LINGO2: variants seen among roughly 807,000 people sequenced by gnomAD.
LINGO2 encodes the protein leucine-rich repeat and immunoglobulin-like domain-containing nogo receptor-interacting protein 2.
A neutral mutation model predicts 30.6 loss-of-function variants in LINGO2; 14 were observed. The observed-to-expected ratio is 0.46, with a 90% CI of 0.30 to 0.72. LINGO2 has a LOEUF of 0.72. Ranked by LOEUF, LINGO2 falls within the 30% of genes least tolerant of loss-of-function variation. The probability of loss-of-function intolerance (pLI) is 0.07; values close to 1 mark genes in which losing one functional copy is unlikely to be tolerated. For synonymous variants in LINGO2, 317 were observed against 288.5 expected (o/e 1.10, Z -1.00); for missense variants, 729 against 751.7 (o/e 0.97, Z 0.35).
intron 4 of LINGO2, among the ~76,000 whole-genome samples, chr9:28,168,902 A>G (rs1828506301): frequency 1.3e-5 from 2 of 152,264 alleles, no homozygotes; most frequent in Admixed American, 1.3e-4. Flanking sequence ...GCATTCCTTC[A>G]TACATCTTTC....
chr9:28,344,062 T>C (rs1819468999), intron 3 of LINGO2, among the ~76,000 whole-genome samples: 1 of 152,122 alleles, frequency 6.6e-6, no homozygotes, highest in East Asian at 1.9e-4. Context: ...TGCAAACTAC[T>C]GGGCCCCTCT....
the LINGO2 span, among the ~76,000 whole-genome samples, chr9:28,683,446 A>G: frequency 6.6e-6 from 1 of 152,124 alleles, no homozygotes; most frequent in Non-Finnish European, 1.5e-5. Flanking sequence ...TGGCACAAAT[A>G]TCACTCTTAA....
chr9:28,476,063 C>CG, intron 1 of LINGO2, 38 bp from the exon 4 acceptor site: 1 of 152,594 alleles, frequency 6.6e-6, no homozygotes, highest in African/African-American at 2.4e-5. Flanking sequence ...AAATGACACT[C>CG]GCTTGCTTCA....
chr9:28,538,843 C>T (rs2135453017), intron 1 of LINGO2, among the ~76,000 whole-genome samples: 1 of 151,972 alleles, frequency 6.6e-6, no homozygotes, highest in Admixed American at 6.6e-5. Flanking sequence ...GGGTTTGTTT[C>T]CAACCTATGA....
chr9:28,004,173 A>C (rs192550255), intron 5 of LINGO2, among the ~76,000 whole-genome samples: 426 of 152,322 alleles, frequency 2.8e-3, no homozygotes, highest in African/African-American at 9.5e-3. Context: ...GTTTGTATTA[A>C]AAATGAAGTA....
chr9:28,624,084 A>T (rs1227867276), intron 1 of LINGO2, among the ~76,000 whole-genome samples: 2 of 152,088 alleles, frequency 1.3e-5, no homozygotes, highest in African/African-American at 2.4e-5. Flanking sequence ...TAGAGTCTTT[A>T]GATTTTTCTA....
chr9:28,747,484 C>G, the LINGO2 span, among the ~76,000 whole-genome samples: 1 of 152,090 alleles, frequency 6.6e-6, no homozygotes, highest in Admixed American at 6.5e-5. Flanking sequence ...CATAAGCCAT[C>G]TGTGGATGAC....
chr9:28,553,283 C>A (rs1254786425), intron 1 of LINGO2, among the ~76,000 whole-genome samples: 1 of 151,890 alleles, frequency 6.6e-6, no homozygotes, highest in African/African-American at 2.4e-5. Context: ...CTAGAATAAC[C>A]AATACAGAGA....
the LINGO2 span, among the ~76,000 whole-genome samples, chr9:28,771,179 G>C: frequency 1.3e-5 from 2 of 151,812 alleles, no homozygotes; most frequent in African/African-American, 4.8e-5. Context: ...TAGGTCAGTC[G>C]TAAGATCCCA....
the LINGO2 span, among the ~76,000 whole-genome samples, chr9:28,804,113 T>TCTCTTTTCTTCTCTATCC: frequency 6.6e-6 from 1 of 152,064 alleles, no homozygotes; most frequent in African/African-American, 2.4e-5. Flanking sequence ...TTGCTCTTAT[T>TCTCTTTTCTTCTCTATCC]CTCTTTTCTT....
chr9:28,925,207 G>T, the LINGO2 span, among the ~76,000 whole-genome samples: 1 of 152,170 alleles, frequency 6.6e-6, no homozygotes, highest in South Asian at 2.1e-4. Context: ...CTTCCCCAGA[G>T]AAAAGTCTTG....
chr9:28,690,643 T>G, the LINGO2 span, among the ~76,000 whole-genome samples: 1 of 152,162 alleles, frequency 6.6e-6, no homozygotes, highest in Non-Finnish European at 1.5e-5. Flanking sequence ...ATAAAACACA[T>G]GATTTGTCTT....
At chr9:28,533,212 C>T (rs1473218935) in intron 1 of LINGO2, among the ~76,000 whole-genome samples, 3 of 152,154 alleles carry the variant, frequency 2.0e-5, no homozygotes, top group Admixed American at 6.5e-5. Flanking sequence ...TGTCCTAGAA[C>T]ATCAGACTCC....
the LINGO2 span, among the ~76,000 whole-genome samples, chr9:29,157,691 C>G: frequency 6.6e-6 from 1 of 151,604 alleles, no homozygotes; most frequent in African/African-American, 2.4e-5. Context: ...TTTTTTTTCT[C>G]CTTTGAAGTC....
At chr9:28,306,267 G>T (rs531399615) in intron 3 of LINGO2, among the ~76,000 whole-genome samples, 2 of 152,124 alleles carry the variant, frequency 1.3e-5, no homozygotes, top group South Asian at 4.1e-4. Flanking sequence ...TTAAATATTT[G>T]TTGAAATGAA....
At chr9:28,480,189 C>T (rs2135216430) in intron 1 of LINGO2, among the ~76,000 whole-genome samples, 1 of 151,386 alleles carries the variant, frequency 6.6e-6, no homozygotes, top group East Asian at 1.9e-4. Context: ...GGTATTTGCC[C>T]AATGGGTTAG....
intron 4 of LINGO2, among the ~76,000 whole-genome samples, chr9:28,151,839 AAATT>A (rs1160961495): frequency 6.6e-6 from 1 of 152,186 alleles, no homozygotes; most frequent in Non-Finnish European, 1.5e-5. Flanking sequence ...TAAAAAGTAT[AAATT>A]AATGAAGAAT....
intron 4 of LINGO2, among the ~76,000 whole-genome samples, chr9:28,094,286 T>A (rs1826181531): frequency 6.6e-6 from 1 of 152,136 alleles, no homozygotes; most frequent in Non-Finnish European, 1.5e-5. Context: ...AATGAATACC[T>A]TTCTGCTGTT....
At chr9:28,449,866 T>C (rs2077609813) in intron 2 of LINGO2, among the ~76,000 whole-genome samples, 1 of 152,046 alleles carries the variant, frequency 6.6e-6, no homozygotes, top group African/African-American at 2.4e-5. Context: ...AGTCACCAAA[T>C]CAGGCTAAAT....
Sources: gnomAD v4.1 joint callset for allele counts (sites outside exome capture counted in the v4.1 genomes callset) on GRCh38, gnomAD v4.1.1 for gene constraint, MANE v1.5 for transcripts, NCBI Gene and HGNC (gene_info 2026-07-23, HGNC 2026-07-21) for gene names.